Variants in NLK observed in about 807,000 individuals in gnomAD.
NLK encodes the protein nemo like kinase.
Under a neutral mutation model 59.0 loss-of-function variants are expected in NLK, and 11 were observed. The ratio of observed to expected loss-of-function variants is 0.19; its 90% CI spans 0.12 to 0.31. The LOEUF (loss-of-function observed/expected upper bound fraction) is 0.31. NLK is among the 10% of genes least tolerant of loss of function. NLK has a pLI of 1.00. For missense variants in NLK, 410 were observed against 661.1 expected (o/e 0.62, Z 4.16); for synonymous variants, 235 against 235.9 (o/e 1.00, Z 0.03).
chr17:28,125,943 A>G (rs992144699), intron 2 of NLK, among the ~76,000 whole-genome samples: 4 of 152,196 alleles, frequency 2.6e-5, no homozygotes, highest in African/African-American at 9.6e-5. Context: ...GTAGAGGAGG[A>G]ACCAACGACT....
chr17:28,118,811 T>C (rs1471975174), intron 1 of NLK, among the ~76,000 whole-genome samples: 1 of 152,196 alleles, frequency 6.6e-6, no homozygotes, highest in Non-Finnish European at 1.5e-5. Flanking sequence ...CAGGTGTAAG[T>C]GAGGATTCTT....
chr17:28,198,244 C>T (rs144717349), downstream of NLK, among the ~76,000 whole-genome samples: 19 of 152,302 alleles, frequency 1.2e-4, no homozygotes, highest in East Asian at 3.5e-3. Flanking sequence ...TCAAGTGAGC[C>T]TCCCACCTCA....
chr17:28,147,575 AT>A (rs1475124997), intron 3 of NLK, among the ~76,000 whole-genome samples: 2 of 151,588 alleles, frequency 1.3e-5, no homozygotes, highest in African/African-American at 4.8e-5. Context: ...CAGGCTCTAG[AT>A]TAGTTACCTG....
intron 3 of NLK, among the ~76,000 whole-genome samples, chr17:28,144,066 A>G (rs1406339130): frequency 6.6e-6 from 1 of 152,154 alleles, no homozygotes; most frequent in African/African-American, 2.4e-5. Context: ...GTCATAGACT[A>G]TGTTGGCAGG....
intron 1 of NLK, among the ~76,000 whole-genome samples, chr17:28,064,195 T>TC (rs1386589213): frequency 1.3e-5 from 2 of 150,340 alleles, no homozygotes; most frequent in East Asian, 3.9e-4. Context: ...TTTTTTTTTT[T>TC]TTTTAAAGAG....
At chr17:28,070,414 G>A (rs1909969982) in intron 1 of NLK, among the ~76,000 whole-genome samples, 1 of 147,730 alleles carries the variant, frequency 6.8e-6, no homozygotes, top group Non-Finnish European at 1.5e-5. Flanking sequence ...GAGTGCAGTG[G>A]TGCGATCTCG....
intron 1 of NLK, among the ~76,000 whole-genome samples, chr17:28,094,832 C>T (rs1270830093): frequency 6.6e-6 from 1 of 152,148 alleles, no homozygotes; most frequent in Non-Finnish European, 1.5e-5. Flanking sequence ...TAGAACTAGC[C>T]TTTGATAGTG....
chr17:28,204,587 C>T, the NLK span, among the ~76,000 whole-genome samples: 1 of 152,196 alleles, frequency 6.6e-6, no homozygotes, highest in East Asian at 1.9e-4. Flanking sequence ...TGAACCCCCA[C>T]CATGTATCAC....
At chr17:28,046,452 A>C (rs1448452683) in intron 1 of NLK, among the ~76,000 whole-genome samples, 2 of 152,188 alleles carry the variant, frequency 1.3e-5, no homozygotes, top group African/African-American at 4.8e-5. Flanking sequence ...CACTGATAGA[A>C]TGTTGTTTAT....
At chr17:28,149,385 A>C (rs1907390936) in intron 3 of NLK, among the ~76,000 whole-genome samples, 1 of 152,190 alleles carries the variant, frequency 6.6e-6, no homozygotes, top group African/African-American at 2.4e-5. Context: ...GTTAAGGATG[A>C]ACCATTTTAG....
At chr17:28,066,137 A>G (rs1248691226) in intron 1 of NLK, among the ~76,000 whole-genome samples, 1 of 152,120 alleles carries the variant, frequency 6.6e-6, no homozygotes, top group Admixed American at 6.5e-5. Context: ...TCAGGTGTTC[A>G]ACCTCTGCCC....
intron 1 of NLK, among the ~76,000 whole-genome samples, chr17:28,046,008 T>A (rs1909039525): frequency 6.6e-6 from 1 of 152,250 alleles, no homozygotes; most frequent in Admixed American, 6.5e-5. Context: ...TAATGCACTT[T>A]GCAAGTATTC....
At chr17:28,112,821 C>G (rs1188640269) in intron 1 of NLK, among the ~76,000 whole-genome samples, 1 of 152,178 alleles carries the variant, frequency 6.6e-6, no homozygotes, top group East Asian at 1.9e-4. Flanking sequence ...GCTGACAGCG[C>G]TTTCCTGTGG....
intron 1 of NLK, among the ~76,000 whole-genome samples, chr17:28,084,409 G>T (rs369536450): frequency 6.8e-4 from 103 of 152,320 alleles, no homozygotes; most frequent in Middle Eastern, 6.8e-3. Flanking sequence ...CTAACTCAAA[G>T]TCTGAAAGCT....
chr17:28,110,875 C>T lies in NLK; in HGVS notation c.459-11728C>T, dbSNP rs554155132. On this transcript the variant is annotated intron_variant, in intron 1 of 10. Coordinates refer to ENST00000407008, the MANE Select transcript of NLK (RefSeq NM_016231.5). ...TTTGTTTTTTTTTGAGACGGAGTCT[C>T]GCTCTGTCGCCCAGGCTGGAGTGCA... Among the ~76,000 whole-genome samples, 501 of 151,656 alleles carry T rather than the reference C, an allele frequency of 3.3e-3. 3 individuals carry two copies. Among genetic ancestry groups the T allele is most frequent in the African/African-American group, 0.011 (470 of 41,320 alleles).
intron 1 of NLK, among the ~76,000 whole-genome samples, chr17:28,064,089 TC>T (rs1392099011): frequency 6.6e-6 from 1 of 151,298 alleles, no homozygotes; most frequent in African/African-American, 2.4e-5. Context: ...AATTTGCTGA[TC>T]AGAGGAAGTC....
chr17:28,176,345 C>T (rs529759920), intron 7 of NLK, among the ~76,000 whole-genome samples: 3 of 152,136 alleles, frequency 2.0e-5, no homozygotes, highest in Middle Eastern at 3.2e-3. Context: ...AAGCTTCTTT[C>T]AAGTAGTTTT....
At chr17:28,049,540 T>C (rs1597651748) in intron 1 of NLK, among the ~76,000 whole-genome samples, 1 of 152,306 alleles carries the variant, frequency 6.6e-6, no homozygotes, top group East Asian at 1.9e-4. Flanking sequence ...TACTGAGGTA[T>C]AGGGATGTTT....
At chr17:28,202,841 C>T in the NLK span, among the ~76,000 whole-genome samples, 2 of 151,854 alleles carry the variant, frequency 1.3e-5, no homozygotes, top group African/African-American at 4.8e-5. Context: ...CACCACCACG[C>T]CCAGCTAATT....
Sources: allele counts gnomAD v4.1 joint callset (sites outside exome capture counted in the v4.1 genomes callset), GRCh38; gene constraint gnomAD v4.1.1; transcripts MANE v1.5; gene names NCBI Gene and HGNC (gene_info 2026-07-23, HGNC 2026-07-21).